Variants in ABRAXAS2 observed in about 807,000 individuals in gnomAD.
The protein encoded by ABRAXAS2 is BRISC complex subunit Abraxas 2.
In ABRAXAS2, 23 loss-of-function variants were observed where a neutral mutation model predicts 49.0. The ratio of observed to expected loss-of-function variants is 0.47; its 90% CI spans 0.34 to 0.66. ABRAXAS2 has a LOEUF of 0.66. Ranked by LOEUF, ABRAXAS2 falls within the 30% of genes least tolerant of loss-of-function variation. The pLI is 0.01. For missense variants in ABRAXAS2, 443 were observed against 511.9 expected (o/e 0.87, Z 1.30); for synonymous variants, 168 against 180.2 (o/e 0.93, Z 0.54).
intron 8 of ABRAXAS2, among the ~76,000 whole-genome samples, chr10:124,832,276 C>T (rs1327848576): frequency 6.6e-6 from 1 of 152,018 alleles, no homozygotes; most frequent in East Asian, 1.9e-4. Context: ...GAATAGACAC[C>T]ATTAGGCTAA....
At chr10:124,811,082 G>T (rs1480214739) in intron 2 of ABRAXAS2, among the ~76,000 whole-genome samples, 1 of 151,476 alleles carries the variant, frequency 6.6e-6, no homozygotes, top group African/African-American at 2.4e-5. Flanking sequence ...AGCCGGACAG[G>T]CGCCTGTAGT....
rs922957944 is a variant in ABRAXAS2 at position 124,836,514 on chromosome 10, G to A, written c.*1543G>A. Reference sequence around the variant, plus strand: ...TACCTACTACGCAGCTTCAGCGCCAGTGTGAATTTATTTTTTTTTAAGTGC... The same window carrying A: ...TACCTACTACGCAGCTTCAGCGCCAATGTGAATTTATTTTTTTTTAAGTGC... On this transcript the variant is annotated 3_prime_UTR_variant, in exon 9 of 9. Transcript: ENST00000298492. 6.6e-6 allele frequency: 1 copy of A among 152,466 alleles called. No homozygotes were observed. 9.4% of individuals were successfully genotyped at this position (152,466 alleles called of 1,614,324 possible). A position where few individuals can be genotyped will look rare whatever the true frequency, so the allele number is the denominator to read the frequency against.
intron 4 of ABRAXAS2, among the ~76,000 whole-genome samples, chr10:124,820,507 A>T (rs1462193176): frequency 6.6e-6 from 1 of 151,854 alleles, no homozygotes; most frequent in Non-Finnish European, 1.5e-5. Flanking sequence ...TTTGAGATGG[A>T]GTCTGGCTCT....
chr10:124,834,870 C>G lies in ABRAXAS2; in HGVS notation c.1147C>G (p.Pro383Ala). Residue 383 changes from proline (P) to alanine (A), a missense_variant, in exon 9 of 9, where the codon CCT becomes GCT. Physicochemically the swap from Pro to Ala is conservative, Grantham distance 27 (BLOSUM62 -1). This residue lies in a region of ABRAXAS2 where 230 missense variants were observed against 237.0 expected (regional missense o/e 0.97). Transcript: ENST00000298492. The stretch of plus-strand genomic sequence containing the variant: ...CAGTGATTATGAAAATTTGATTGAC[C>G]CTACAGAGCCTTCTAATAGTGAATA... ...DDSDYENLID[P>A]TEPSNSEYSH... The G allele has an allele frequency of 1.2e-6, 2 of 1,614,046 alleles. No individual in the cohort carries two copies. Among genetic ancestry groups the G allele is most frequent in the Non-Finnish European group, 1.7e-6 (2 of 1,180,022 alleles).
intron 1 of ABRAXAS2, among the ~76,000 whole-genome samples, chr10:124,804,674 G>GTT (rs35190235): frequency 9.9e-5 from 14 of 140,812 alleles, no homozygotes; most frequent in African/African-American, 2.4e-4. Context: ...ATCTCAGAGA[G>GTT]TTTTTTTTTT....
At chr10:124,831,858 T>C (rs1233369751) in intron 8 of ABRAXAS2, among the ~76,000 whole-genome samples, 1 of 138,772 alleles carries the variant, frequency 7.2e-6, no homozygotes, top group Non-Finnish European at 1.6e-5. Flanking sequence ...TTTTTTTTTT[T>C]TTTTTTTTTT....
At chr10:124,830,162 T>G (rs551902501) in intron 7 of ABRAXAS2, among the ~76,000 whole-genome samples, 40 of 152,290 alleles carry the variant, frequency 2.6e-4, no homozygotes, top group African/African-American at 9.6e-4. Context: ...AAAAAGGCTT[T>G]GGCCCGGCAT....
At chr10:124,815,820 A>C (rs1426953665) in intron 2 of ABRAXAS2, among the ~76,000 whole-genome samples, 1 of 150,770 alleles carries the variant, frequency 6.6e-6, no homozygotes, top group Non-Finnish European at 1.5e-5. Flanking sequence ...CCAAGTTGTC[A>C]TGAGTTATTA....
intron 4 of ABRAXAS2, among the ~76,000 whole-genome samples, chr10:124,820,680 C>T (rs1382456696): frequency 6.6e-6 from 1 of 151,722 alleles, no homozygotes; most frequent in African/African-American, 2.4e-5. Context: ...CAGGGTTTCA[C>T]CATGTTGCCC....
rs148429291 is a variant in ABRAXAS2 at position 124,812,470 on chromosome 10, C to A, written c.164-4106C>A. 1.4e-4 allele frequency among the ~76,000 whole-genome samples: 21 copies of A among 152,096 alleles called. No homozygotes were observed. In the East Asian group the frequency reaches 4.1e-3, roughly 29 times the overall value. On this transcript the variant is annotated intron_variant, in intron 2 of 8. Transcript: ENST00000298492. Reference sequence around the variant, plus strand: ...GACCGGCTTGGACAATATAGCGAGACCCTGTCTCTACAAAATAAAAAAATT... The same window carrying A: ...GACCGGCTTGGACAATATAGCGAGAACCTGTCTCTACAAAATAAAAAAATT...
At chr10:124,806,605 A>T (rs1950746355) in intron 1 of ABRAXAS2, among the ~76,000 whole-genome samples, 2 of 152,248 alleles carry the variant, frequency 1.3e-5, no homozygotes, top group South Asian at 2.1e-4. Flanking sequence ...AGTTGAAGGG[A>T]TTAAAATAAT....
At chr10:124,819,092 G>T (rs944126968) in intron 3 of ABRAXAS2, among the ~76,000 whole-genome samples, 1 of 152,044 alleles carries the variant, frequency 6.6e-6, no homozygotes, top group Non-Finnish European at 1.5e-5. Flanking sequence ...TAGAAACAAA[G>T]AAAAATGTCA....
At chr10:124,825,951 TC>T (rs1950893584) in intron 4 of ABRAXAS2, among the ~76,000 whole-genome samples, 1 of 152,222 alleles carries the variant, frequency 6.6e-6, no homozygotes, top group Non-Finnish European at 1.5e-5. Context: ...TCTGAAGTCA[TC>T]TGTCTTCCTG....
intron 4 of ABRAXAS2, among the ~76,000 whole-genome samples, chr10:124,823,909 CTGTTT>C (rs368839285): frequency 5.3e-5 from 8 of 152,090 alleles, no homozygotes; most frequent in Admixed American, 2.6e-4. Flanking sequence ...ACAGGAGAAT[CTGTTT>C]TGTTTTGTTT....
chr10:124,829,419 TG>T lies in ABRAXAS2; in HGVS notation c.606del (p.Met203Ter). ...HGTDFFDKDGVMKDIRAIYQV... is the reference protein window; with the variant it reads ...HGTDFFDKDGXMKDIRAIYQV... ...ACTGACTTTTTTGACAAGGATGGAGTGATGAAAGACATCAGGGCGATTTATC... is the reference window on the plus strand; with the variant it reads ...ACTGACTTTTTTGACAAGGATGGAGTATGAAAGACATCAGGGCGATTTATC... On this transcript the variant is annotated frameshift_variant, in exon 7 of 9. Coordinates refer to ENST00000298492, the MANE Select transcript of ABRAXAS2 (RefSeq NM_032182.4). LOFTEE classifies it high-confidence loss of function. The T allele has an allele frequency of 6.2e-7, 1 of 1,611,500 alleles. No individual in the cohort carries two copies. Among genetic ancestry groups the T allele is most frequent in the Non-Finnish European group, 8.5e-7 (1 of 1,178,350 alleles).
chr10:124,801,908 G>T lies in ABRAXAS2; in HGVS notation c.72+7G>T. On this transcript the variant is annotated splice_region_variant and intron_variant, in intron 1 of 8. Transcript: ENST00000298492. ...CAACAGCAACGCGGACCACGTAGGT[G>T]CCGGGCCCCCTGCCGCGCCCGCTGG... 6.2e-7 allele frequency: 1 copy of T among 1,611,628 alleles called. No individual in the cohort carries two copies.
chr10:124,832,300 T>C (rs1295822790), intron 8 of ABRAXAS2, among the ~76,000 whole-genome samples: 2 of 152,180 alleles, frequency 1.3e-5, no homozygotes, highest in East Asian at 3.9e-4. Flanking sequence ...ACAAACTGAC[T>C]GAATGAGAAT....
intron 5 of ABRAXAS2, among the ~76,000 whole-genome samples, chr10:124,828,412 T>G (rs1373490060): frequency 1.3e-5 from 2 of 152,212 alleles, no homozygotes; most frequent in East Asian, 3.9e-4. Context: ...TTGCCCAGGC[T>G]GGAGTGCAGT....
At chr10:124,810,045 G>A (rs1393325067) in intron 2 of ABRAXAS2, among the ~76,000 whole-genome samples, 1 of 152,112 alleles carries the variant, frequency 6.6e-6, no homozygotes, top group Non-Finnish European at 1.5e-5. Flanking sequence ...GAGTCACCAC[G>A]CCCAGCCATT....
Sources: gnomAD v4.1 joint callset for allele counts (sites outside exome capture counted in the v4.1 genomes callset) on GRCh38, gnomAD v4.1.1 for gene constraint, gnomAD v4.1.1 regional missense constraint, MANE v1.5 for transcripts, NCBI Gene and HGNC (gene_info 2026-07-23, HGNC 2026-07-21) for gene names.